The following FOXN3 variants were observed in gnomAD, a reference collection of about 807,000 sequenced individuals.
The protein encoded by FOXN3 is forkhead box protein N3.
In FOXN3, 7 loss-of-function variants were observed where a neutral mutation model predicts 38.4. That is an observed-to-expected ratio of 0.18 (90% CI 0.10 to 0.34). The LOEUF is 0.34. Among genes scored for constraint, FOXN3 ranks in the 10% least tolerant of loss-of-function variants. FOXN3 has a pLI of 1.00. For missense variants in FOXN3, 456 were observed against 613.4 expected (o/e 0.74, Z 2.71); for synonymous variants, 230 against 242.2 (o/e 0.95, Z 0.47).
chr14:89,215,972 T>C (rs916555428), intron 4 of FOXN3, among the ~76,000 whole-genome samples: 1 of 152,182 alleles, frequency 6.6e-6, no homozygotes, highest in Non-Finnish European at 1.5e-5. Context: ...TGATAAAGTA[T>C]ATTAATTTGC....
intron 1 of FOXN3, among the ~76,000 whole-genome samples, chr14:89,597,436 G>A (rs1472521251): frequency 1.3e-5 from 2 of 152,078 alleles, no homozygotes; most frequent in African/African-American, 2.4e-5. Flanking sequence ...TATCTACTCT[G>A]TATTTGTTGA....
intron 3 of FOXN3, among the ~76,000 whole-genome samples, chr14:89,348,123 C>T (rs562371652): frequency 6.6e-6 from 1 of 152,086 alleles, no homozygotes; most frequent in South Asian, 2.1e-4. Flanking sequence ...AGCACACCTG[C>T]AAGTCCTAGC....
intron 2 of FOXN3, among the ~76,000 whole-genome samples, chr14:89,405,190 G>A (rs1177649206): frequency 6.6e-6 from 1 of 152,106 alleles, no homozygotes; most frequent in Non-Finnish European, 1.5e-5. Flanking sequence ...AGGCTGGAGT[G>A]TAGTGGCGTG....
intron 4 of FOXN3, among the ~76,000 whole-genome samples, chr14:89,241,008 A>C (rs570014627): frequency 8.2e-4 from 124 of 152,144 alleles, no homozygotes; most frequent in African/African-American, 2.8e-3. Context: ...CTCTTGGAAA[A>C]ACTGCACCCA....
chr14:89,525,191 C>T (rs66885508), intron 1 of FOXN3, among the ~76,000 whole-genome samples: 11,793 of 152,154 alleles, frequency 0.078, 689 homozygotes, highest in East Asian at 0.26. Context: ...CATTCTTACT[C>T]ACAGGGTGAG....
chr14:89,261,347 T>G (rs1211806311), intron 4 of FOXN3, among the ~76,000 whole-genome samples: 2 of 152,174 alleles, frequency 1.3e-5, no homozygotes, highest in Non-Finnish European at 2.9e-5. Context: ...AAGACACACG[T>G]GCTGCTAGCA....
intron 1 of FOXN3, among the ~76,000 whole-genome samples, chr14:89,530,961 C>T (rs1207711995): frequency 1.4e-5 from 2 of 146,788 alleles, no homozygotes; most frequent in African/African-American, 5.0e-5. Context: ...TACATATATA[C>T]ACATATATAA....
intron 1 of FOXN3, among the ~76,000 whole-genome samples, chr14:89,570,005 T>TG: frequency 6.9e-6 from 1 of 145,130 alleles, no homozygotes; most frequent in African/African-American, 2.7e-5. Context: ...CTTGGTATGT[T>TG]TTTTTTTTTT....
At chr14:89,597,481 T>C (rs2139934676) in intron 1 of FOXN3, among the ~76,000 whole-genome samples, 1 of 152,314 alleles carries the variant, frequency 6.6e-6, no homozygotes, top group East Asian at 1.9e-4. Context: ...TGTTTGTTAA[T>C]TAACTTTGTT....
At chr14:89,250,306 T>C (rs1271952617) in intron 4 of FOXN3, among the ~76,000 whole-genome samples, 1 of 152,332 alleles carries the variant, frequency 6.6e-6, no homozygotes, top group East Asian at 1.9e-4. Context: ...GATGGGGGTC[T>C]TCAGATGTTG....
chr14:89,586,712 T>A (rs1596325575), intron 1 of FOXN3, among the ~76,000 whole-genome samples: 2 of 152,308 alleles, frequency 1.3e-5, no homozygotes, highest in Non-Finnish European at 1.5e-5. Flanking sequence ...CGCCAAATGC[T>A]CTCCCTGACA....
intron 3 of FOXN3, among the ~76,000 whole-genome samples, chr14:89,323,650 C>T (rs1374220616): frequency 2.0e-5 from 3 of 152,034 alleles, no homozygotes; most frequent in Non-Finnish European, 4.4e-5. Context: ...ACCCAGGAGG[C>T]AGAGGTTGCA....
intron 1 of FOXN3, among the ~76,000 whole-genome samples, chr14:89,597,434 C>G (rs538681412): frequency 5.8e-4 from 88 of 152,240 alleles, no homozygotes; most frequent in African/African-American, 1.9e-3. Context: ...AATATCTACT[C>G]TGTATTTGTT....
At chr14:89,283,047 C>T (rs1049302401) in intron 3 of FOXN3, among the ~76,000 whole-genome samples, 2 of 152,130 alleles carry the variant, frequency 1.3e-5, no homozygotes, top group South Asian at 4.1e-4. Flanking sequence ...TTTCCTGGCC[C>T]CTGTTGTAAT....
At chr14:89,462,240 C>T (rs8017836) in intron 1 of FOXN3, among the ~76,000 whole-genome samples, 50,921 of 152,026 alleles carry the variant, frequency 0.33, 8,947 homozygotes, top group Non-Finnish European at 0.41. Flanking sequence ...TAGCAGAACT[C>T]CTGATATTGG....
At chr14:89,446,832 A>T (rs1168925129) in intron 1 of FOXN3, among the ~76,000 whole-genome samples, 3 of 152,232 alleles carry the variant, frequency 2.0e-5, no homozygotes, top group Non-Finnish European at 4.4e-5. Flanking sequence ...GCAGTTTTCC[A>T]CTATTATGAA....
intron 2 of FOXN3, among the ~76,000 whole-genome samples, chr14:89,372,612 C>CCTCTAGGT (rs556126162): frequency 4.6e-4 from 70 of 152,178 alleles, no homozygotes; most frequent in African/African-American, 1.6e-3. Flanking sequence ...TAACAGTCAA[C>CCTCTAGGT]CTCATCCTGA....
chr14:89,388,761 A>G (rs1858030089), intron 2 of FOXN3, among the ~76,000 whole-genome samples: 1 of 151,738 alleles, frequency 6.6e-6, no homozygotes, highest in African/African-American at 2.4e-5. Context: ...CAGGAAAATC[A>G]AGAAGAAGAT....
At chr14:89,336,137 T>TGCAC (rs776350193) in intron 3 of FOXN3, among the ~76,000 whole-genome samples, 5 of 140,020 alleles carry the variant, frequency 3.6e-5, no homozygotes, top group Non-Finnish European at 7.7e-5. Context: ...AAGTGATCCT[T>TGCAC]ACACACACAC....
Sources: gnomAD v4.1 joint callset for allele counts (sites outside exome capture counted in the v4.1 genomes callset) on GRCh38, gnomAD v4.1.1 for gene constraint, MANE v1.5 for transcripts, NCBI Gene and HGNC (gene_info 2026-07-23, HGNC 2026-07-21) for gene names.